The following AUTS2 variants were observed in gnomAD, a reference collection of about 807,000 sequenced individuals.
AUTS2 encodes the protein activator of transcription and developmental regulator AUTS2, also known as autism susceptibility gene 2 protein.
AUTS2 carries 17 observed loss-of-function variants against 112.4 expected under a neutral mutation model. The observed-to-expected ratio is 0.15, with a 90% CI of 0.10 to 0.23. The LOEUF (loss-of-function observed/expected upper bound fraction) is 0.23, where lower values mean the gene tolerates loss of function less well. Among genes scored for constraint, AUTS2 ranks in the 10% least tolerant of loss-of-function variants. The probability of loss-of-function intolerance (pLI) is 1.00; values close to 1 mark genes in which losing one functional copy is unlikely to be tolerated. For missense variants in AUTS2, 1,510 were observed against 1,701.6 expected, an observed-to-expected ratio of 0.89 and a Z score of 1.98; for synonymous variants, 751 against 702.7, an observed-to-expected ratio of 1.07 and a Z score of -1.09.
intron 4 of AUTS2, among the ~76,000 whole-genome samples, chr7:70,361,198 T>G (rs1415475138): frequency 1.3e-5 from 2 of 152,114 alleles, no homozygotes; most frequent in East Asian, 3.9e-4. Context: ...CTGGGCGTGG[T>G]GGCGGACGCC....
intron 1 of AUTS2, among the ~76,000 whole-genome samples, chr7:69,740,821 C>T (rs1426822303): frequency 6.6e-6 from 1 of 152,160 alleles, no homozygotes; most frequent in Non-Finnish European, 1.5e-5. Flanking sequence ...TGCGCCCGGC[C>T]AGAAATGTCT....
rs376002499 is a variant in AUTS2 at position 70,760,285 on chromosome 7, G to A, written c.743-2585G>A. Among the ~76,000 whole-genome samples, 134 of 152,320 alleles carry A rather than the reference G, an allele frequency of 8.8e-4. 3 individuals carry two copies. In the South Asian group the frequency reaches 0.025, roughly 28 times the overall value. Reference sequence around the variant, plus strand: ...CTCCCAAAGTGCTGGGATTACAGGCGTGAGCCACCGCACCCGGCCTACAAA... The same window carrying A: ...CTCCCAAAGTGCTGGGATTACAGGCATGAGCCACCGCACCCGGCCTACAAA... On this transcript the variant is annotated intron_variant, in intron 6 of 18. Transcript: ENST00000342771.
intron 5 of AUTS2, among the ~76,000 whole-genome samples, chr7:70,455,225 G>A (rs1399167240): frequency 6.6e-6 from 1 of 152,182 alleles, no homozygotes; most frequent in Non-Finnish European, 1.5e-5. Flanking sequence ...TAAGATTACT[G>A]TCATATTCCC....
chr7:69,813,311 G>C (rs1480782316), intron 1 of AUTS2, among the ~76,000 whole-genome samples: 1 of 152,144 alleles, frequency 6.6e-6, no homozygotes, highest in Admixed American at 6.5e-5. Flanking sequence ...CTGTCCACCT[G>C]TATTTCTATT....
intron 5 of AUTS2, among the ~76,000 whole-genome samples, chr7:70,591,244 A>G (rs926169692): frequency 6.6e-6 from 1 of 151,948 alleles, no homozygotes; most frequent in Non-Finnish European, 1.5e-5. Flanking sequence ...GTGGTGTGAC[A>G]GAGCCCATTT....
intron 4 of AUTS2, among the ~76,000 whole-genome samples, chr7:70,383,996 A>AT (rs1264568753): frequency 2.0e-5 from 3 of 152,246 alleles, no homozygotes; most frequent in Non-Finnish European, 4.4e-5. Flanking sequence ...TTAATGATGA[A>AT]TGCGATTAGC....
chr7:70,537,842 G>T (rs1270483347), intron 5 of AUTS2, among the ~76,000 whole-genome samples: 1 of 152,188 alleles, frequency 6.6e-6, no homozygotes, highest in Non-Finnish European at 1.5e-5. Context: ...AAAAATTTCA[G>T]TATCTTGAGA....
At chr7:70,665,082 A>C (rs545826086) in intron 5 of AUTS2, among the ~76,000 whole-genome samples, 11 of 152,204 alleles carry the variant, frequency 7.2e-5, no homozygotes, top group South Asian at 6.2e-4. Context: ...CAAAAGAAAG[A>C]GAAAAAAAAA....
intron 2 of AUTS2, among the ~76,000 whole-genome samples, chr7:69,994,374 T>C (rs1798859039): frequency 6.6e-6 from 1 of 152,210 alleles, no homozygotes; most frequent in Non-Finnish European, 1.5e-5. Flanking sequence ...TGGTCTCAGG[T>C]TTTAAAACAA....
intron 1 of AUTS2, among the ~76,000 whole-genome samples, chr7:69,614,314 C>CTCTTTCTTTCTTTCTTTTTCTT (rs1793206719): frequency 1.2e-5 from 1 of 83,320 alleles, no homozygotes; most frequent in Non-Finnish European, 2.4e-5. Flanking sequence ...CACTCTCCGT[C>CTCTTTCTTTCTTTCTTTTTCTT]TCTTTCTTTC....
intron 1 of AUTS2, among the ~76,000 whole-genome samples, chr7:69,807,597 T>C (rs1790363367): frequency 1.3e-5 from 2 of 152,146 alleles, no homozygotes. Flanking sequence ...CTGGAAATTT[T>C]CAACCTGTGT....
chr7:70,402,131 T>C (rs969834246), intron 4 of AUTS2, among the ~76,000 whole-genome samples: 1 of 152,260 alleles, frequency 6.6e-6, no homozygotes, highest in African/African-American at 2.4e-5. Flanking sequence ...AAATAGGATG[T>C]TGTGTTTTGG....
intron 2 of AUTS2, among the ~76,000 whole-genome samples, chr7:69,922,685 A>G (rs1795861019): frequency 6.6e-6 from 1 of 152,198 alleles, no homozygotes; most frequent in Non-Finnish European, 1.5e-5. Flanking sequence ...CTCTCCTTAC[A>G]CATTTCGACA....
intron 1 of AUTS2, among the ~76,000 whole-genome samples, chr7:69,778,663 T>C (rs1232236123): frequency 6.6e-6 from 1 of 152,168 alleles, no homozygotes; most frequent in Non-Finnish European, 1.5e-5. Context: ...GAATGATTTT[T>C]GTTCTTGTAA....
chr7:70,110,647 T>C (rs1004980824), intron 2 of AUTS2, among the ~76,000 whole-genome samples: 1 of 152,204 alleles, frequency 6.6e-6, no homozygotes, highest in Non-Finnish European at 1.5e-5. Flanking sequence ...GTTTTTATTT[T>C]CTAAGCTAAT....
At chr7:70,008,288 AT>A (rs1269276809) in intron 2 of AUTS2, among the ~76,000 whole-genome samples, 3 of 152,164 alleles carry the variant, frequency 2.0e-5, no homozygotes, top group African/African-American at 7.2e-5. Flanking sequence ...ATTTATAACA[AT>A]TTTTAAAATC....
At chr7:69,923,103 A>G (rs1167282249) in intron 2 of AUTS2, among the ~76,000 whole-genome samples, 2 of 152,166 alleles carry the variant, frequency 1.3e-5, no homozygotes, top group Non-Finnish European at 2.9e-5. Context: ...TTTCTTTTCC[A>G]AAAGGTATAC....
intron 2 of AUTS2, among the ~76,000 whole-genome samples, chr7:70,046,724 T>C (rs1333321111): frequency 6.6e-6 from 1 of 152,226 alleles, no homozygotes; most frequent in Admixed American, 6.5e-5. Flanking sequence ...AGTAGTACTA[T>C]ATTTCTTTTT....
At chr7:70,414,695 C>A (rs1048789097) in intron 4 of AUTS2, among the ~76,000 whole-genome samples, 4 of 152,118 alleles carry the variant, frequency 2.6e-5, no homozygotes, top group African/African-American at 9.7e-5. Context: ...TGTTGCCTGA[C>A]ACACACCGAA....
Sources: allele counts gnomAD v4.1 joint callset (sites outside exome capture counted in the v4.1 genomes callset), GRCh38; gene constraint gnomAD v4.1.1; transcripts MANE v1.5; gene names NCBI Gene and HGNC (gene_info 2026-07-23, HGNC 2026-07-21).